POLN: variants seen among roughly 807,000 people sequenced by gnomAD.
The protein encoded by POLN is DNA polymerase nu.
In POLN, 108 loss-of-function variants were observed where a neutral mutation model predicts 113.5. The observed-to-expected ratio is 0.95, with a 90% CI of 0.81 to 1.12. The LOEUF is 1.12. Among genes scored for constraint, POLN ranks in the 50% most tolerant of loss-of-function variants. The pLI, the probability that POLN is intolerant of heterozygous loss-of-function variation, is 0.00. For missense variants in POLN, 1,097 were observed against 1,077.1 expected (o/e 1.02, Z -0.26); for synonymous variants, 386 against 391.5 (o/e 0.99, Z 0.17).
chr4:2,198,763 T>C (rs1405200802), intron 5 of POLN, 46 bp from the exon 6 acceptor site: 1 of 1,482,564 alleles, frequency 6.7e-7, no homozygotes, highest in Admixed American at 2.2e-5. Context: ...AACATATCTG[T>C]TGTAGAAAGA....
chr4:2,125,898 G>A (rs765902980), intron 19 of POLN, among the ~76,000 whole-genome samples: 2 of 152,196 alleles, frequency 1.3e-5, no homozygotes, highest in Non-Finnish European at 2.9e-5. Flanking sequence ...AGGACCCAGT[G>A]CAGATATGGG....
chr4:2,119,409 G>A lies in POLN; in HGVS notation c.1982+8704C>T, dbSNP rs1407303804. On this transcript the variant is annotated intron_variant, in intron 19 of 25. Coordinates refer to ENST00000511885, the MANE Select transcript of POLN (RefSeq NM_181808.4). Reference sequence around the variant, plus strand: ...GGCTGTGTCTTTTGCTTGTGTGTGTGTGCATGTGTGTGCACACGTGTGTGT... The same window carrying A: ...GGCTGTGTCTTTTGCTTGTGTGTGTATGCATGTGTGTGCACACGTGTGTGT... Among the ~76,000 whole-genome samples, 4 of 85,276 alleles carry A rather than the reference G, an allele frequency of 4.7e-5. No homozygotes were observed. In the East Asian group the frequency reaches 1.1e-3, roughly 24 times the overall value. The allele number at this position is 85,276 out of a possible 152,430, so 55.9% of individuals were successfully genotyped here.
chr4:2,125,058 G>T (rs577347410), intron 19 of POLN, among the ~76,000 whole-genome samples: 3 of 152,300 alleles, frequency 2.0e-5, no homozygotes, highest in Non-Finnish European at 4.4e-5. Context: ...CCTAAAGCAG[G>T]TTTTTTGTCC....
At chr4:2,118,287 T>G (rs1731363672) in intron 19 of POLN, among the ~76,000 whole-genome samples, 2 of 152,242 alleles carry the variant, frequency 1.3e-5, no homozygotes, top group Non-Finnish European at 2.9e-5. Context: ...ATTTCTGTGT[T>G]TTAATTGGCC....
rs767129853 is a variant in POLN, at chr4:2,126,139, G to A, written c.1982+1974C>T. Reference sequence around the variant, plus strand: ...CTGGACCCCACCATGTGCTGTGCTCGTCACATCGACCCGGTACAGTGCCTC... The same window carrying A: ...CTGGACCCCACCATGTGCTGTGCTCATCACATCGACCCGGTACAGTGCCTC... On this transcript the variant is annotated intron_variant, in intron 19 of 25. Transcript: ENST00000511885. This position sits in a 1 kb window ranked among gnomAD's most constrained non-coding sequence, Gnocchi z 4.6. Among the ~76,000 whole-genome samples the A allele has an allele frequency of 3.3e-5, 5 of 152,192 alleles. No individual in the cohort carries two copies. The highest frequency in any genetic ancestry group is 1.9e-4 in the East Asian group (1 of 5,188).
At chr4:2,178,614 GT>G (rs869253023) in intron 8 of POLN, among the ~76,000 whole-genome samples, 5,896 of 142,012 alleles carry the variant, frequency 0.042, 138 homozygotes, top group Admixed American at 0.053. Flanking sequence ...GCCCAAGACA[GT>G]TTTTTTTTTT....
rs117594534 is a variant in POLN, at chr4:2,194,409, G to A, written c.909-1093C>T. Among the ~76,000 whole-genome samples the A allele has an allele frequency of 1.1e-3, 175 of 152,256 alleles. 2 individuals are homozygous for A. The East Asian group carries it at 0.032, about 28-fold the overall frequency. On this transcript the variant is annotated intron_variant, in intron 6 of 25. Transcript: ENST00000511885. ...CTTGTTCCACAGAAAGACATTTGTA[G>A]GCCTTTTGCACTTTGTGTGATTTCA...
chr4:2,137,459 A>ATG (rs1390863333), intron 16 of POLN, among the ~76,000 whole-genome samples: 2 of 152,246 alleles, frequency 1.3e-5, no homozygotes, highest in Admixed American at 1.3e-4. Context: ...CACACCTGCT[A>ATG]TGGCACCTGA....
At chr4:2,164,369 T>G (rs762080162) in intron 13 of POLN, among the ~76,000 whole-genome samples, 36 of 151,282 alleles carry the variant, frequency 2.4e-4, no homozygotes, top group Non-Finnish European at 3.5e-4. Flanking sequence ...GGCGTGGTGG[T>G]GCATGCCTAT....
At chr4:2,237,188 A>G (rs1560104886) in intron 2 of POLN, among the ~76,000 whole-genome samples, 1 of 152,118 alleles carries the variant, frequency 6.6e-6, no homozygotes, top group Non-Finnish European at 1.5e-5. Flanking sequence ...TCATGCCTGT[A>G]ATCCCAGTAT....
At chr4:2,110,558 A>T (rs2108711256) in intron 19 of POLN, among the ~76,000 whole-genome samples, 1 of 152,320 alleles carries the variant, frequency 6.6e-6, no homozygotes, top group East Asian at 1.9e-4. Context: ...CAAAGGGGAT[A>T]TCACCACCGA....
intron 16 of POLN, among the ~76,000 whole-genome samples, chr4:2,148,774 G>A (rs1350057565): frequency 6.6e-6 from 1 of 151,764 alleles, no homozygotes; most frequent in African/African-American, 2.4e-5. Context: ...CTAAATACAA[G>A]AAACATGATA....
intron 16 of POLN, among the ~76,000 whole-genome samples, chr4:2,150,915 C>T (rs568407594): frequency 1.9e-4 from 29 of 152,288 alleles, no homozygotes; most frequent in African/African-American, 7.0e-4. Flanking sequence ...TTGGTTTACA[C>T]AAAGGTTTCT....
intron 20 of POLN, chr4:2,089,127 A>G: frequency 1.7e-6 from 2 of 1,178,532 alleles, no homozygotes; most frequent in Non-Finnish European, 2.5e-6. Flanking sequence ...TTTTTTTTAT[A>G]AGGACCCTAA....
At position 2,071,953 on chromosome 4, in the gene POLN, GGAT is replaced by G. The variant is rs1730152369; in HGVS notation, c.*158_*160del. On this transcript the variant is annotated 3_prime_UTR_variant, in exon 26 of 26. Coordinates refer to ENST00000511885, the MANE Select transcript of POLN (RefSeq NM_181808.4). The surrounding 1 kb of genome is among the most constrained non-coding windows in gnomAD (Gnocchi z 5.2). ...TCACAGGAAGAATTCACTCAGACAA[GGAT>G]GAGGAGGGCTTTGCACAGGCATTTA... 1.2e-6 allele frequency: 1 copy of G among 827,578 alleles called. No homozygotes were observed. Among genetic ancestry groups the G allele is most frequent in the South Asian group, 1.4e-5 (1 of 71,288 alleles). 51.3% of individuals were successfully genotyped at this position (827,578 alleles called of 1,614,324 possible).
chr4:2,074,017 G>T (rs1209281487), intron 24 of POLN, among the ~76,000 whole-genome samples: 1 of 152,244 alleles, frequency 6.6e-6, no homozygotes, highest in Non-Finnish European at 1.5e-5. Context: ...TGGGGGCGAG[G>T]CTGGAGAGCC....
At chr4:2,199,910 A>G (rs1733670462) in intron 5 of POLN, among the ~76,000 whole-genome samples, 1 of 152,222 alleles carries the variant, frequency 6.6e-6, no homozygotes, top group Non-Finnish European at 1.5e-5. Context: ...CTACTGGAAG[A>G]AAATAAACTA....
At chr4:2,236,718 C>T (rs929153890) in intron 2 of POLN, among the ~76,000 whole-genome samples, 1 of 151,848 alleles carries the variant, frequency 6.6e-6, no homozygotes, top group African/African-American at 2.4e-5. Context: ...AAAAAGTTAG[C>T]CGGGCATGGC....
At chr4:2,220,300 AC>A (rs770632788) in intron 3 of POLN, among the ~76,000 whole-genome samples, 39 of 152,064 alleles carry the variant, frequency 2.6e-4, no homozygotes, top group Non-Finnish European at 4.3e-4. Context: ...TGTACTAGAC[AC>A]CCATGAGCAG....
Sources: allele counts gnomAD v4.1 joint callset (sites outside exome capture counted in the v4.1 genomes callset), GRCh38; gene constraint gnomAD v4.1.1; non-coding constraint Gnocchi (gnomAD v3.1); transcripts MANE v1.5; gene names NCBI Gene and HGNC (gene_info 2026-07-23, HGNC 2026-07-21).